The following CFAP54 variants were observed in gnomAD, a reference collection of about 807,000 sequenced individuals.
CFAP54 encodes cilia- and flagella-associated protein 54.
In CFAP54, 290 loss-of-function variants were observed where a neutral mutation model predicts 370.4. The observed-to-expected ratio is 0.78, with a 90% CI of 0.71 to 0.86. The LOEUF is 0.86. Ranked by LOEUF, CFAP54 falls within the 40% of genes least tolerant of loss-of-function variation. The pLI, the probability that CFAP54 is intolerant of heterozygous loss-of-function variation, is 0.00. For synonymous variants in CFAP54, 1,206 were observed against 1,236.5 expected (o/e 0.98, Z 0.52); for missense variants, 3,399 against 3,528.7 (o/e 0.96, Z 0.93).
In CFAP54 at chr12:96,591,909, TA is replaced by T. The variant is rs201398201; in HGVS notation, c.3213-580del. 2.8e-3 allele frequency among the ~76,000 whole-genome samples: 271 copies of T among 97,620 alleles called. 4 individuals are homozygous for T. Among genetic ancestry groups the T allele is most frequent in the Admixed American group, 0.016 (164 of 10,350 alleles). 64.0% of individuals were successfully genotyped at this position (97,620 alleles called of 152,430 possible). A position where few individuals can be genotyped will look rare whatever the true frequency, so the allele number is the denominator to read the frequency against. On this transcript the variant is annotated intron_variant, in intron 23 of 67. Transcript: ENST00000524981. ...CCGTCTCAAAAAAAAAAAAAAGAAA[TA>T]TTTTTTTTTTTTTGTGGGGAATGTG...
At chr12:96,554,956 A>G (rs1191220610) in intron 17 of CFAP54, 154 bp downstream of exon 17, 16 of 614,594 alleles carry the variant, frequency 2.6e-5, no homozygotes, top group South Asian at 4.8e-5. Context: ...CAATAAAAAC[A>G]TAATTAAATC....
intron 50 of CFAP54, among the ~76,000 whole-genome samples, chr12:96,721,273 A>G (rs1004682103): frequency 6.6e-6 from 1 of 152,230 alleles, no homozygotes; most frequent in African/African-American, 2.4e-5. Flanking sequence ...ATCATATTGC[A>G]CTGAACTGTT....
intron 40 of CFAP54, among the ~76,000 whole-genome samples, chr12:96,683,781 A>T (rs1483305103): frequency 1.3e-5 from 2 of 151,858 alleles, no homozygotes; most frequent in East Asian, 1.9e-4. Flanking sequence ...GAAAAAAAAA[A>T]TTGTGTGATT....
At chr12:96,699,905 T>C (rs1287255804) in intron 45 of CFAP54, 66 bp from the exon 46 acceptor site, 6 of 1,326,680 alleles carry the variant, frequency 4.5e-6, no homozygotes, top group Non-Finnish European at 6.3e-6. Context: ...ATTTTCTCTA[T>C]ACTTTTGTTT....
At chr12:96,739,349 G>C (rs910424487) in intron 50 of CFAP54, among the ~76,000 whole-genome samples, 1 of 152,082 alleles carries the variant, frequency 6.6e-6, no homozygotes, top group Non-Finnish European at 1.5e-5. Context: ...AGAATATAAC[G>C]GCTTAAAATA....
chr12:96,729,301 G>A (rs538234503), intron 50 of CFAP54, among the ~76,000 whole-genome samples: 27 of 152,310 alleles, frequency 1.8e-4, no homozygotes, highest in African/African-American at 3.8e-4. Flanking sequence ...TACAGAGGCC[G>A]GCAGGCCTCC....
chr12:96,657,253 A>G (rs1212693766), intron 36 of CFAP54, among the ~76,000 whole-genome samples: 1 of 152,238 alleles, frequency 6.6e-6, no homozygotes, highest in East Asian at 1.9e-4. Context: ...CTCATAGGAC[A>G]TGCACACTAT....
At chr12:96,697,119 A>T (rs1265170010) in intron 45 of CFAP54, among the ~76,000 whole-genome samples, 1 of 152,208 alleles carries the variant, frequency 6.6e-6, no homozygotes, top group Non-Finnish European at 1.5e-5. Flanking sequence ...TGTGTGAGTG[A>T]ATGGTTGATT....
intron 38 of CFAP54, 91 bp from the exon 39 acceptor site, chr12:96,663,739 A>G: frequency 2.3e-6 from 2 of 865,570 alleles, no homozygotes; most frequent in Non-Finnish European, 3.7e-6. Flanking sequence ...CTTTATTCTG[A>G]TAAATAAAAA....
intron 39 of CFAP54, among the ~76,000 whole-genome samples, chr12:96,667,398 C>A (rs1168024943): frequency 6.6e-6 from 1 of 152,250 alleles, no homozygotes; most frequent in Admixed American, 6.5e-5. Context: ...TCTGCCTGGA[C>A]ATTCAGGTGT....
At chr12:96,576,881 A>T in intron 20 of CFAP54, 120 bp downstream of exon 20, 1 of 788,980 alleles carries the variant, frequency 1.3e-6, no homozygotes, top group Non-Finnish European at 1.9e-6. Context: ...AGCACTGAAC[A>T]CTGGATTAAT....
chr12:96,675,050 C>A (rs1957190184), intron 39 of CFAP54, among the ~76,000 whole-genome samples: 1 of 151,978 alleles, frequency 6.6e-6, no homozygotes, highest in Admixed American at 6.6e-5. Context: ...GTCTAAAACA[C>A]CAAAAGCAAT....
At chr12:96,642,208 T>C (rs1457764831) in intron 32 of CFAP54, among the ~76,000 whole-genome samples, 3 of 152,212 alleles carry the variant, frequency 2.0e-5, no homozygotes, top group Admixed American at 6.5e-5. Context: ...AGGCTAGCTC[T>C]TCAGTTTTTG....
chr12:96,764,227 T>C lies in CFAP54; in HGVS notation c.8117T>C (p.Ile2706Thr). The C allele has an allele frequency of 6.2e-7, 1 of 1,612,946 alleles. No individual in the cohort carries two copies. The change falls in exon 59 of 68, where the codon ATT becomes ACT. Residue 2706 changes from isoleucine (I) to threonine (T), a missense_variant. Ile to Thr is a moderately conservative substitution (Grantham distance 89, BLOSUM62 -1). Around this residue, in one of 3 missense-constraint regions of CFAP54, gnomAD observed 2,796 missense variants for 2,869.7 expected, o/e 0.97. Transcript: ENST00000524981. Reference protein sequence around the residue: ...KFEMYSSLAWIAIRAAAQVSE... With the variant: ...KFEMYSSLAWTAIRAAAQVSE... Reference sequence around the variant, plus strand: ...GAAATGTACAGTTCATTAGCCTGGATTGCAATAAGAGCTGCTGCACAGGTT... The same window carrying C: ...GAAATGTACAGTTCATTAGCCTGGACTGCAATAAGAGCTGCTGCACAGGTT...
In CFAP54 at chr12:96,747,531, G is replaced by A. The variant is rs77173835; in HGVS notation, c.7684+3385G>A. Among the ~76,000 whole-genome samples the A allele has an allele frequency of 7.1e-3, 1,083 of 152,310 alleles. 12 individuals are homozygous for A. Among genetic ancestry groups the A allele is most frequent in the African/African-American group, 0.024 (989 of 41,568 alleles). ...GTACCATTTCCAGCAGATAGTATGT[G>A]CTCAGTAAATGTTAGCTCCTTTTCA... On this transcript the variant is annotated intron_variant, in intron 55 of 67. Coordinates refer to ENST00000524981, the MANE Select transcript of CFAP54 (RefSeq NM_001306084.2).
intron 11 of CFAP54, among the ~76,000 whole-genome samples, chr12:96,535,056 A>G (rs867367502): frequency 4.2e-4 from 49 of 115,538 alleles, no homozygotes; most frequent in African/African-American, 1.4e-3. Context: ...GTGTGTGTTT[A>G]TTTATTTATT....
intron 66 of CFAP54, among the ~76,000 whole-genome samples, chr12:96,857,872 A>G (rs928074807): frequency 6.6e-6 from 1 of 152,190 alleles, no homozygotes; most frequent in Non-Finnish European, 1.5e-5. Flanking sequence ...TTTCTTATAA[A>G]TCATCCAGTC....
At chr12:96,752,085 T>TGAGAGAGAGAGAGA (rs55648812) in intron 55 of CFAP54, among the ~76,000 whole-genome samples, 1,380 of 90,536 alleles carry the variant, frequency 0.015, 121 homozygotes, top group Middle Eastern at 0.033. Flanking sequence ...TCTTCCTGGA[T>TGAGAGAGAGAGAGA]GAGAGAGAGA....
At chr12:96,730,751 A>G (rs1333159405) in intron 50 of CFAP54, among the ~76,000 whole-genome samples, 1 of 152,208 alleles carries the variant, frequency 6.6e-6, no homozygotes, top group Non-Finnish European at 1.5e-5. Flanking sequence ...TATGTTTCCC[A>G]AAGGGGAAAT....
Sources: gnomAD v4.1 joint callset for allele counts (sites outside exome capture counted in the v4.1 genomes callset) on GRCh38, gnomAD v4.1.1 for gene constraint, gnomAD v4.1.1 regional missense constraint, MANE v1.5 for transcripts, NCBI Gene and HGNC (gene_info 2026-07-23, HGNC 2026-07-21) for gene names.